Variants in ZC3H12B observed in about 807,000 individuals in gnomAD.
ZC3H12B encodes the protein zinc finger CCCH-type containing 12B.
In ZC3H12B, 7 loss-of-function variants were observed where a neutral mutation model predicts 43.9. The observed-to-expected ratio is 0.16, with a 90% CI of 0.09 to 0.30. The LOEUF (loss-of-function observed/expected upper bound fraction) is 0.30. ZC3H12B is among the 10% of genes least tolerant of loss of function. ZC3H12B has a pLI of 1.00. For synonymous variants in ZC3H12B, 222 were observed against 241.7 expected (o/e 0.92, Z 0.76); for missense variants, 475 against 670.2 (o/e 0.71, Z 3.22).
the ZC3H12B span, among the ~76,000 whole-genome samples, chrX:65,055,644 A>T: frequency 1.8e-5 from 2 of 111,802 alleles, no homozygotes; most frequent in East Asian, 5.6e-4. Flanking sequence ...ATTGATTGGA[A>T]TAGTTTCAGA....
the ZC3H12B span, among the ~76,000 whole-genome samples, chrX:65,213,494 G>T: frequency 9.0e-6 from 1 of 110,842 alleles, no homozygotes; most frequent in Non-Finnish European, 1.9e-5. Flanking sequence ...AGATTTTGAG[G>T]ATTTTGAAAT....
At chrX:65,192,349 T>G in the ZC3H12B span, among the ~76,000 whole-genome samples, 1 of 111,710 alleles carries the variant, frequency 9.0e-6, no homozygotes, top group Non-Finnish European at 1.9e-5. Context: ...TTTTTTCTTT[T>G]TGTTGTCTGA....
chrX:65,106,970 G>T, the ZC3H12B span, among the ~76,000 whole-genome samples: 1 of 111,380 alleles, frequency 9.0e-6, no homozygotes, highest in Non-Finnish European at 1.9e-5. Flanking sequence ...TGGTTCCAGA[G>T]CCTGTGAAGT....
At chrX:65,200,768 T>C in the ZC3H12B span, among the ~76,000 whole-genome samples, 156 of 110,798 alleles carry the variant, frequency 1.4e-3, 1 homozygote, top group African/African-American at 4.6e-3. Context: ...GTGCAGAAGC[T>C]CTTTCATTTA....
chrX:65,102,920 A>C, the ZC3H12B span, among the ~76,000 whole-genome samples: 6 of 111,608 alleles, frequency 5.4e-5, no homozygotes, highest in Non-Finnish European at 1.1e-4. Flanking sequence ...GGTGTGGGTC[A>C]CAGAGATCAC....
chrX:65,239,549 T>G, the ZC3H12B span, among the ~76,000 whole-genome samples: 1 of 111,629 alleles, frequency 9.0e-6, no homozygotes. Flanking sequence ...CATTCTATGT[T>G]ATTTAATTAG....
chrX:65,302,788 G>A, the ZC3H12B span, among the ~76,000 whole-genome samples: 6 of 112,057 alleles, frequency 5.4e-5, no homozygotes, highest in Admixed American at 9.5e-5. Context: ...AAGGCAGTAC[G>A]ATACTGTCTA....
At chrX:65,396,988 G>T in intron 2 of ZC3H12B, among the ~76,000 whole-genome samples, 1 of 111,155 alleles carries the variant, frequency 9.0e-6, no homozygotes, top group Middle Eastern at 4.6e-3. Flanking sequence ...ATCTTTGTTG[G>T]TTTAAAGTCT....
the ZC3H12B span, among the ~76,000 whole-genome samples, chrX:65,112,571 C>A: frequency 2.7e-5 from 3 of 111,689 alleles, no homozygotes; most frequent in African/African-American, 9.8e-5. Context: ...TGCTCATTTA[C>A]CATTCTAAAA....
At chrX:65,100,169 G>T in the ZC3H12B span, among the ~76,000 whole-genome samples, 2 of 111,221 alleles carry the variant, frequency 1.8e-5, no homozygotes, top group Non-Finnish European at 3.8e-5. Context: ...AATAAAGCAT[G>T]AAGACAAGAT....
chrX:65,174,805 G>A, the ZC3H12B span, among the ~76,000 whole-genome samples: 1 of 111,853 alleles, frequency 8.9e-6, no homozygotes, highest in African/African-American at 3.2e-5. Context: ...TTAGCTTGCT[G>A]GGCTCCATGA....
chrX:65,237,623 G>A, the ZC3H12B span, among the ~76,000 whole-genome samples: 68 of 110,145 alleles, frequency 6.2e-4, no homozygotes, highest in South Asian at 0.024. Context: ...GTGAGATAGG[G>A]CATACTTGTC....
At chrX:65,152,650 C>T in the ZC3H12B span, among the ~76,000 whole-genome samples, 1 of 111,102 alleles carries the variant, frequency 9.0e-6, no homozygotes, top group East Asian at 2.8e-4. Context: ...GTGAAAATGG[C>T]CATACCGCTC....
At chrX:65,123,439 C>G in the ZC3H12B span, among the ~76,000 whole-genome samples, 3 of 111,055 alleles carry the variant, frequency 2.7e-5, no homozygotes, top group Non-Finnish European at 5.7e-5. Context: ...TGATGCTGGC[C>G]TCATAAAATG....
At chrX:65,399,710 A>T in intron 3 of ZC3H12B, among the ~76,000 whole-genome samples, 1 of 112,337 alleles carries the variant, frequency 8.9e-6, no homozygotes, top group Middle Eastern at 4.6e-3. Flanking sequence ...AAATCAGTAT[A>T]TCAAAAATAT....
chrX:65,371,838 A>G (rs927966380), intron 2 of ZC3H12B, among the ~76,000 whole-genome samples: 10 of 111,694 alleles, frequency 9.0e-5, no homozygotes, highest in Admixed American at 1.9e-4. Context: ...GAAGATGTCA[A>G]TTTTTCTAGG....
the ZC3H12B span, among the ~76,000 whole-genome samples, chrX:65,322,180 G>A: frequency 9.0e-6 from 1 of 111,310 alleles, no homozygotes; most frequent in Non-Finnish European, 1.9e-5. Context: ...GCAAGCAATA[G>A]AGATGGGAGG....
the ZC3H12B span, among the ~76,000 whole-genome samples, chrX:65,155,712 T>C: frequency 9.0e-6 from 1 of 110,595 alleles, no homozygotes; most frequent in African/African-American, 3.3e-5. Context: ...ATAAAAAAAT[T>C]AGCCAGGCGT....
At chrX:65,325,209 T>C in the ZC3H12B span, among the ~76,000 whole-genome samples, 2 of 111,102 alleles carry the variant, frequency 1.8e-5, no homozygotes, top group Non-Finnish European at 3.8e-5. Context: ...AAATGCCCAC[T>C]TTTGCCACTT....
Sources: allele counts gnomAD v4.1 joint callset (sites outside exome capture counted in the v4.1 genomes callset), GRCh38; gene constraint gnomAD v4.1.1; transcripts MANE v1.5; gene names NCBI Gene and HGNC (gene_info 2026-07-23, HGNC 2026-07-21).